Variants in QTMAN observed in about 807,000 individuals in gnomAD.
QTMAN encodes the protein queuosine-tRNA mannosyltransferase.
At chr2:144,004,628 T>C in the QTMAN span, among the ~76,000 whole-genome samples, 1 of 152,020 alleles carries the variant, frequency 6.6e-6, no homozygotes, top group Non-Finnish European at 1.5e-5. Flanking sequence ...CTTAGAACAG[T>C]AAATTTTGAA....
chr2:144,177,266 AC>A, the QTMAN span: 44 of 662,006 alleles, frequency 6.6e-5, no homozygotes, highest in Admixed American at 1.0e-4. Flanking sequence ...AAAAAAAAAA[AC>A]ATTGTTTTTG....
At chr2:144,103,631 A>C in the QTMAN span, among the ~76,000 whole-genome samples, 1 of 152,208 alleles carries the variant, frequency 6.6e-6, no homozygotes, top group Non-Finnish European at 1.5e-5. Context: ...TATAGCTACC[A>C]AAATTAAAAT....
the QTMAN span, among the ~76,000 whole-genome samples, chr2:144,258,104 A>C: frequency 6.6e-6 from 1 of 152,050 alleles, no homozygotes; most frequent in Non-Finnish European, 1.5e-5. Flanking sequence ...GTACTGAAAC[A>C]GTCAGAAAAA....
At chr2:144,303,651 T>G in the QTMAN span, among the ~76,000 whole-genome samples, 1 of 152,232 alleles carries the variant, frequency 6.6e-6, no homozygotes, top group African/African-American at 2.4e-5. Context: ...TTTTCTTAAA[T>G]TTCAATACTA....
the QTMAN span, among the ~76,000 whole-genome samples, chr2:143,950,725 T>C: frequency 1.3e-5 from 2 of 151,640 alleles, no homozygotes; most frequent in Non-Finnish European, 3.0e-5. Flanking sequence ...AACTATTTGA[T>C]TGATATTTCA....
the QTMAN span, among the ~76,000 whole-genome samples, chr2:144,169,542 G>C: frequency 4.0e-5 from 6 of 151,766 alleles, no homozygotes; most frequent in Non-Finnish European, 7.4e-5. Context: ...TTTTTTATTA[G>C]ACAATGAGAG....
chr2:144,015,273 C>T, the QTMAN span, among the ~76,000 whole-genome samples: 6 of 152,152 alleles, frequency 3.9e-5, no homozygotes, highest in Admixed American at 3.3e-4. Context: ...AAAACTCTCT[C>T]GTTTACACAA....
At chr2:144,332,590 G>T in the QTMAN span, 5 of 149,718 alleles carry the variant, frequency 3.3e-5, no homozygotes, top group African/African-American at 1.2e-4. Flanking sequence ...CGCGTCAGGC[G>T]CTGGTCCCGC....
the QTMAN span, among the ~76,000 whole-genome samples, chr2:144,221,911 T>A: frequency 6.6e-6 from 1 of 152,224 alleles, no homozygotes; most frequent in Non-Finnish European, 1.5e-5. Flanking sequence ...AATGTACTTG[T>A]TTATTAAATA....
At chr2:144,014,678 C>A in the QTMAN span, among the ~76,000 whole-genome samples, 1 of 152,112 alleles carries the variant, frequency 6.6e-6, no homozygotes, top group African/African-American at 2.4e-5. Flanking sequence ...AGAGAATCTT[C>A]CATTGTTAAA....
the QTMAN span, among the ~76,000 whole-genome samples, chr2:144,133,359 T>G: frequency 2.7e-5 from 1 of 36,644 alleles, no homozygotes; most frequent in Non-Finnish European, 5.2e-5. Context: ...TATGTATATA[T>G]ATAATATAAT....
At chr2:143,996,561 G>A in the QTMAN span, among the ~76,000 whole-genome samples, 1 of 152,138 alleles carries the variant, frequency 6.6e-6, no homozygotes, top group South Asian at 2.1e-4. Context: ...ATTGACTATG[G>A]TAGGTGAAGA....
chr2:144,065,879 G>A, the QTMAN span, among the ~76,000 whole-genome samples: 1 of 151,390 alleles, frequency 6.6e-6, no homozygotes, highest in Admixed American at 6.6e-5. Context: ...CAGAAAGAGA[G>A]ACATGTCAGA....
At chr2:143,974,680 G>A in the QTMAN span, among the ~76,000 whole-genome samples, 1 of 152,088 alleles carries the variant, frequency 6.6e-6, no homozygotes, top group African/African-American at 2.4e-5. Context: ...ATTATCTTTA[G>A]GGGTTGTTAT....
At chr2:144,286,817 C>T in the QTMAN span, among the ~76,000 whole-genome samples, 2 of 152,186 alleles carry the variant, frequency 1.3e-5, no homozygotes. Context: ...ATGCAGACAT[C>T]TGTACTCTGC....
At chr2:144,262,640 A>G in the QTMAN span, among the ~76,000 whole-genome samples, 7 of 30,400 alleles carry the variant, frequency 2.3e-4, no homozygotes, top group Non-Finnish European at 3.1e-4. Context: ...GGGGAGGGAG[A>G]GGGGAGGGGA....
chr2:144,092,992 G>A, the QTMAN span, among the ~76,000 whole-genome samples: 81 of 151,802 alleles, frequency 5.3e-4, no homozygotes, highest in African/African-American at 1.9e-3. Flanking sequence ...TGGACATAAA[G>A]TGAAGAAAAA....
the QTMAN span, among the ~76,000 whole-genome samples, chr2:144,122,777 T>C: frequency 6.6e-6 from 1 of 152,204 alleles, no homozygotes; most frequent in Non-Finnish European, 1.5e-5. Flanking sequence ...TAAAGATGTA[T>C]TGATATCTCA....
the QTMAN span, among the ~76,000 whole-genome samples, chr2:144,134,789 C>T: frequency 1.3e-5 from 2 of 152,114 alleles, no homozygotes; most frequent in Admixed American, 1.3e-4. Flanking sequence ...AACTTAAACT[C>T]CTAAGGATAT....
Sources: allele counts gnomAD v4.1 joint callset (sites outside exome capture counted in the v4.1 genomes callset), GRCh38; gene constraint gnomAD v4.1.1; transcripts MANE v1.5; gene names NCBI Gene and HGNC (gene_info 2026-07-23, HGNC 2026-07-21).